Variants in SCN11A observed in about 807,000 individuals in gnomAD.
SCN11A encodes the protein sodium channel protein type 11 subunit alpha.
A neutral mutation model predicts 162.2 loss-of-function variants in SCN11A; 122 were observed. That is an observed-to-expected ratio of 0.75 (90% CI 0.65 to 0.87). The LOEUF is 0.87. SCN11A is among the 40% of genes least tolerant of loss of function. The pLI, the probability that SCN11A is intolerant of heterozygous loss-of-function variation, is 0.00. For synonymous variants in SCN11A, 758 were observed against 751.5 expected, an observed-to-expected ratio of 1.01 and a Z score of -0.14; for missense variants, 2,015 against 2,181.6, an observed-to-expected ratio of 0.92 and a Z score of 1.52.
At chr3:38,934,698 C>T (rs931376744) in intron 7 of SCN11A, among the ~76,000 whole-genome samples, 2 of 151,774 alleles carry the variant, frequency 1.3e-5, no homozygotes, top group African/African-American at 2.4e-5. Context: ...TATATATGCA[C>T]CCAATACAGG....
At chr3:38,883,185 C>A in intron 22 of SCN11A, 48 bp downstream of exon 22, 1 of 1,538,226 alleles carries the variant, frequency 6.5e-7, no homozygotes, top group Middle Eastern at 1.7e-4. Context: ...GTGCAGCTTC[C>A]CCAGCTGCCC....
At chr3:38,959,850 T>C (rs1229361969) in intron 3 of SCN11A, among the ~76,000 whole-genome samples, 2 of 152,236 alleles carry the variant, frequency 1.3e-5, no homozygotes, top group African/African-American at 4.8e-5. Flanking sequence ...CAAGATTAGT[T>C]TGCTAGCTCT....
Position 38,883,886 on chromosome 3 carries a change from A to G in SCN11A, c.3065-499T>C, listed in dbSNP as rs550623372. On this transcript the variant is annotated intron_variant, in intron 21 of 29. Coordinates refer to ENST00000302328, the MANE Select transcript of SCN11A (RefSeq NM_001349253.2). ...CAATTTTTTTGGTAATCATAAAGAG[A>G]TCATGTCTGGAGGACTCCAGGGAAT... Among the ~76,000 whole-genome samples, 24 of 152,268 alleles carry G rather than the reference A, an allele frequency of 1.6e-4. No individual in the cohort carries two copies. In the South Asian group the frequency reaches 5.0e-3, roughly 32 times the overall value.
At chr3:38,940,432 C>T (rs141406516) in intron 7 of SCN11A, among the ~76,000 whole-genome samples, 1 of 152,256 alleles carries the variant, frequency 6.6e-6, no homozygotes. Flanking sequence ...CTAGACATTA[C>T]AACATTAGAC....
At chr3:38,883,751 C>T (rs1302875667) in intron 21 of SCN11A, among the ~76,000 whole-genome samples, 1 of 152,158 alleles carries the variant, frequency 6.6e-6, no homozygotes, top group Non-Finnish European at 1.5e-5. Context: ...CCTGTTGAGC[C>T]CAGGCTAGAT....
intron 5 of SCN11A, among the ~76,000 whole-genome samples, chr3:38,949,549 G>C (rs1015797450): frequency 2.6e-5 from 4 of 152,126 alleles, no homozygotes; most frequent in African/African-American, 7.2e-5. Context: ...AGCCTAGAAA[G>C]CCTATTATCC....
chr3:38,928,227 T>C (rs1346907836), intron 7 of SCN11A, among the ~76,000 whole-genome samples: 2 of 152,240 alleles, frequency 1.3e-5, no homozygotes, highest in Non-Finnish European at 2.9e-5. Context: ...GAAAGTCATA[T>C]ACCTAACAAG....
intron 2 of SCN11A, among the ~76,000 whole-genome samples, chr3:38,992,423 T>C (rs978540809): frequency 3.9e-5 from 6 of 152,244 alleles, no homozygotes; most frequent in East Asian, 3.8e-4. Context: ...CCTTGGCTTA[T>C]GGTTTTACTA....
At chr3:39,018,977 T>C (rs1427674785) in intron 2 of SCN11A, among the ~76,000 whole-genome samples, 2 of 152,200 alleles carry the variant, frequency 1.3e-5, no homozygotes, top group African/African-American at 2.4e-5. Flanking sequence ...TTAAGCAAGC[T>C]AACTTTGGGA....
chr3:38,889,909 T>C (rs2065470920), intron 19 of SCN11A, among the ~76,000 whole-genome samples: 2 of 151,634 alleles, frequency 1.3e-5, no homozygotes, highest in South Asian at 4.2e-4. Context: ...AACAATCCCA[T>C]TTTCCAATGC....
chr3:38,917,801 T>C (rs1228300260), intron 11 of SCN11A, among the ~76,000 whole-genome samples: 2 of 152,124 alleles, frequency 1.3e-5, no homozygotes, highest in Non-Finnish European at 2.9e-5. Flanking sequence ...GAACTTAAAA[T>C]AAAAGCTAAA....
rs117404010 is a variant in SCN11A at position 38,966,050 on chromosome 3, G to T, written c.-279-5627C>A. On this transcript the variant is annotated intron_variant, in intron 2 of 29. Coordinates refer to ENST00000302328, the MANE Select transcript of SCN11A (RefSeq NM_001349253.2). Reference sequence around the variant, plus strand: ...TTGTTTTGAAAAAATATATATCACTGGTAGAGGCAGCTGGCTTAGTACCTG... The same window carrying T: ...TTGTTTTGAAAAAATATATATCACTTGTAGAGGCAGCTGGCTTAGTACCTG... 3.7e-4 allele frequency among the ~76,000 whole-genome samples: 57 copies of T among 152,288 alleles called. 1 individual carries two copies. The East Asian group carries it at 0.01, about 27-fold the overall frequency.
rs759930584 is a variant in SCN11A at position 38,950,269 on chromosome 3, C to G, written c.94G>C (p.Ala32Pro). 1 of 1,614,048 alleles carries G rather than the reference C, an allele frequency of 6.2e-7. No homozygotes were observed. Among genetic ancestry groups the G allele is most frequent in the Non-Finnish European group, 8.5e-7 (1 of 1,180,016 alleles). Residue 32 changes from alanine to proline, a missense_variant, in exon 5 of 30, where the codon GCC (alanine) becomes CCC (proline). Transcript: ENST00000302328. Reference protein sequence around the residue: ...DSLAAIEKRIAIQKEKKKSKD... With the variant: ...DSLAAIEKRIPIQKEKKKSKD... ...GACTTCTTTTTCTCCTTTTGGATGG[C>G]AATCCGCTTCTCAATTGCAGCCAGA...
At chr3:39,019,396 T>C (rs1055136470) in intron 2 of SCN11A, among the ~76,000 whole-genome samples, 1 of 152,050 alleles carries the variant, frequency 6.6e-6, no homozygotes, top group African/African-American at 2.4e-5. Context: ...CAAACTACCT[T>C]TGAAAAACCC....
chr3:38,860,873 C>T (rs1439323451), intron 28 of SCN11A, among the ~76,000 whole-genome samples: 1 of 152,182 alleles, frequency 6.6e-6, no homozygotes, highest in East Asian at 1.9e-4. Flanking sequence ...CAACATAGCA[C>T]TCAGAAGTCC....
At chr3:39,004,546 T>C (rs2030913858) in intron 2 of SCN11A, among the ~76,000 whole-genome samples, 2 of 152,220 alleles carry the variant, frequency 1.3e-5, no homozygotes, top group Non-Finnish European at 2.9e-5. Flanking sequence ...AGTTTTTTTC[T>C]AGTTCTGTGA....
chr3:38,853,779 C>A (rs867265351), intron 28 of SCN11A, among the ~76,000 whole-genome samples: 2 of 152,200 alleles, frequency 1.3e-5, no homozygotes, highest in Middle Eastern at 3.2e-3. Flanking sequence ...CCTGACTTTT[C>A]AGCCTCCACT....
chr3:38,878,857 T>C (rs768932703), intron 23 of SCN11A, among the ~76,000 whole-genome samples: 6 of 152,210 alleles, frequency 3.9e-5, no homozygotes, highest in Non-Finnish European at 7.4e-5. Context: ...GACCACATGG[T>C]TTATGCTCAG....
At chr3:39,007,728 C>T (rs1038280327) in intron 2 of SCN11A, among the ~76,000 whole-genome samples, 1 of 152,208 alleles carries the variant, frequency 6.6e-6, no homozygotes, top group African/African-American at 2.4e-5. Context: ...CTATGTACCT[C>T]TTCATCTGGC....
Sources: gnomAD v4.1 joint callset for allele counts (sites outside exome capture counted in the v4.1 genomes callset) on GRCh38, gnomAD v4.1.1 for gene constraint, MANE v1.5 for transcripts, NCBI Gene and HGNC (gene_info 2026-07-23, HGNC 2026-07-21) for gene names.